The following UST variants were observed in gnomAD, a reference collection of about 807,000 sequenced individuals.
UST encodes uronyl 2-sulfotransferase.
In UST, 21 loss-of-function variants were observed where a neutral mutation model predicts 45.6. That is an observed-to-expected ratio of 0.46 (90% CI 0.33 to 0.66). The LOEUF (loss-of-function observed/expected upper bound fraction) is 0.66, where lower values mean the gene tolerates loss of function less well. Among genes scored for constraint, UST ranks in the 30% least tolerant of loss-of-function variants. The probability of loss-of-function intolerance (pLI) is 0.02; values close to 1 mark genes in which losing one functional copy is unlikely to be tolerated. For missense variants in UST, 463 were observed against 512.4 expected (o/e 0.90, Z 0.93); for synonymous variants, 215 against 200.6 (o/e 1.07, Z -0.61).
intron 1 of UST, among the ~76,000 whole-genome samples, chr6:148,774,423 A>G (rs1015879304): frequency 2.0e-5 from 3 of 152,064 alleles, no homozygotes; most frequent in Admixed American, 2.0e-4. Flanking sequence ...AAATCTTTAT[A>G]TTGTTTTGAT....
intron 1 of UST, among the ~76,000 whole-genome samples, chr6:148,784,817 G>A (rs915078436): frequency 6.6e-6 from 1 of 152,232 alleles, no homozygotes; most frequent in African/African-American, 2.4e-5. Context: ...TTTGTTTCAA[G>A]GCACTTTGAA....
chr6:148,802,211 A>G (rs1777068611), intron 1 of UST, among the ~76,000 whole-genome samples: 1 of 152,172 alleles, frequency 6.6e-6, no homozygotes. Context: ...CCAAATCCCT[A>G]TCCCAGACTC....
At chr6:148,971,318 G>A (rs895946633) in intron 5 of UST, among the ~76,000 whole-genome samples, 9 of 152,090 alleles carry the variant, frequency 5.9e-5, no homozygotes, top group Admixed American at 2.0e-4. Context: ...TTTCTGTGTA[G>A]TAGGAGCTAT....
intron 1 of UST, among the ~76,000 whole-genome samples, chr6:148,877,050 G>A: frequency 2.0e-5 from 1 of 49,580 alleles, no homozygotes; most frequent in Non-Finnish European, 3.8e-5. Context: ...ATGAGTGTGG[G>A]GTTTGTGTAT....
Position 149,019,172 on chromosome 6 carries a change from G to T in UST, c.715G>T (p.Glu239Ter). The change falls in exon 6 of 8, where the codon GAG becomes TAG. Residue 239 changes from glutamate to a stop codon, truncating the protein, a stop_gained. Transcript: ENST00000367463. LOFTEE classifies it high-confidence loss of function. ...TGAGTGTATTCTTGAAAACTATCCC[G>T]AGTGCTCCAACCCCAGGTTATTTTA... Reference protein sequence around the residue: ...INECILENYPECSNPRLFYII... With the variant: ...INECILENYP 3.7e-6 allele frequency: 6 copies of T among 1,613,908 alleles called. No homozygotes were observed. Among genetic ancestry groups the T allele is most frequent in the Admixed American group, 1.7e-5 (1 of 60,002 alleles).
intron 2 of UST, among the ~76,000 whole-genome samples, chr6:148,889,155 C>T (rs972801851): frequency 1.4e-4 from 21 of 152,188 alleles, no homozygotes; most frequent in African/African-American, 4.1e-4. Context: ...TTCAGTGGGT[C>T]TGGGGTGGGA....
intron 1 of UST, among the ~76,000 whole-genome samples, chr6:148,878,462 G>A (rs1485175393): frequency 1.5e-5 from 2 of 129,082 alleles, no homozygotes; most frequent in Admixed American, 7.9e-5. Context: ...GTGGGGTGTC[G>A]TGTATGAGTG....
At chr6:148,942,993 A>T (rs1157132947) in intron 3 of UST, among the ~76,000 whole-genome samples, 2 of 146,378 alleles carry the variant, frequency 1.4e-5, no homozygotes, top group East Asian at 4.0e-4. Flanking sequence ...GCATTTAAGG[A>T]TATTGCATTT....
At chr6:149,030,718 TTGTG>T (rs1412697026) in intron 7 of UST, among the ~76,000 whole-genome samples, 2 of 151,996 alleles carry the variant, frequency 1.3e-5, no homozygotes, top group Non-Finnish European at 2.9e-5. Flanking sequence ...GCACTGGATC[TTGTG>T]TGTGTGTTAC....
At chr6:148,953,714 G>A (rs867776732) in intron 3 of UST, among the ~76,000 whole-genome samples, 158 bp from the exon 4 acceptor site, 33 of 148,870 alleles carry the variant, frequency 2.2e-4, no homozygotes, top group African/African-American at 8.2e-4. Context: ...GGAGCTTGCA[G>A]TGAACCGAGA....
Position 148,866,608 on chromosome 6 carries a change from C to G in UST, c.248-20378C>G, listed in dbSNP as rs151238438. On this transcript the variant is annotated intron_variant, in intron 1 of 7. Transcript: ENST00000367463. ...ATTTTCCTGTACCTCAGAAAAATATCAAGGCTTCCCTACCTAAACATTCAT... is the reference window on the plus strand; with the variant it reads ...ATTTTCCTGTACCTCAGAAAAATATGAAGGCTTCCCTACCTAAACATTCAT... Among the ~76,000 whole-genome samples the G allele has an allele frequency of 1.1e-4, 17 of 152,260 alleles. No homozygotes were observed. The East Asian group carries it at 3.3e-3, about 29-fold the overall frequency.
At chr6:148,982,291 G>T (rs1017741624) in intron 5 of UST, among the ~76,000 whole-genome samples, 4 of 152,048 alleles carry the variant, frequency 2.6e-5, no homozygotes, top group Non-Finnish European at 5.9e-5. Context: ...TAGAGTCGGG[G>T]TTGCTCCATG....
intron 7 of UST, among the ~76,000 whole-genome samples, chr6:149,057,215 G>A (rs1269310671): frequency 1.3e-5 from 2 of 152,188 alleles, no homozygotes; most frequent in African/African-American, 2.4e-5. Context: ...CTCCGTGATT[G>A]TAGTCATCAT....
At chr6:148,754,427 C>T (rs1422827055) in intron 1 of UST, among the ~76,000 whole-genome samples, 1 of 152,136 alleles carries the variant, frequency 6.6e-6, no homozygotes, top group African/African-American at 2.4e-5. Flanking sequence ...ATACACAGAA[C>T]TCAATTTCTG....
chr6:148,818,971 G>A (rs1437524325), intron 1 of UST, among the ~76,000 whole-genome samples: 4 of 152,074 alleles, frequency 2.6e-5, no homozygotes, highest in African/African-American at 9.7e-5. Context: ...ATCAAAATCT[G>A]GGTTCTTATG....
chr6:148,990,623 T>C (rs183810801), intron 5 of UST, among the ~76,000 whole-genome samples: 56 of 152,276 alleles, frequency 3.7e-4, no homozygotes, highest in Non-Finnish European at 1.0e-4. Flanking sequence ...CTTTTCTCTG[T>C]GGAAGCCAGC....
At chr6:149,031,918 G>A (rs766947654) in intron 7 of UST, among the ~76,000 whole-genome samples, 2 of 152,240 alleles carry the variant, frequency 1.3e-5, no homozygotes, top group African/African-American at 2.4e-5. Context: ...CCAAGTGGAC[G>A]TGGAAGGAGG....
chr6:148,777,811 C>A (rs1006065579), intron 1 of UST, among the ~76,000 whole-genome samples: 1 of 152,204 alleles, frequency 6.6e-6, no homozygotes, highest in African/African-American at 2.4e-5. Context: ...CCTCCGTAAT[C>A]CCAAAGTGTT....
chr6:148,860,334 C>A (rs182206077), intron 1 of UST, among the ~76,000 whole-genome samples: 3 of 152,246 alleles, frequency 2.0e-5, no homozygotes, highest in African/African-American at 4.8e-5. Context: ...GTGATTTTTG[C>A]ACATTGATTT....
Sources: allele counts gnomAD v4.1 joint callset (sites outside exome capture counted in the v4.1 genomes callset), GRCh38; gene constraint gnomAD v4.1.1; transcripts MANE v1.5; gene names NCBI Gene and HGNC (gene_info 2026-07-23, HGNC 2026-07-21).